Variants in CTNNBL1 observed in about 807,000 individuals in gnomAD.
CTNNBL1 encodes the protein catenin beta like 1.
Under a neutral mutation model 72.7 loss-of-function variants are expected in CTNNBL1, and 31 were observed. That is an observed-to-expected ratio of 0.43 (90% CI 0.32 to 0.58). The LOEUF is 0.58. Among genes scored for constraint, CTNNBL1 ranks in the 20% least tolerant of loss-of-function variants. CTNNBL1 has a pLI of 0.08. For synonymous variants in CTNNBL1, 240 were observed against 267.3 expected, an observed-to-expected ratio of 0.90 and a Z score of 1.00; for missense variants, 534 against 725.1, an observed-to-expected ratio of 0.74 and a Z score of 3.03.
At chr20:37,777,154 T>C (rs1202692284) in intron 7 of CTNNBL1, 191 bp from the exon 8 acceptor site, 4 of 539,388 alleles carry the variant, frequency 7.4e-6, no homozygotes, top group Non-Finnish European at 1.3e-5. Context: ...TGAGAGCCAT[T>C]GTTTCAATCT....
chr20:37,782,353 C>T (rs141091779), intron 10 of CTNNBL1, among the ~76,000 whole-genome samples: 25 of 152,202 alleles, frequency 1.6e-4, no homozygotes, highest in African/African-American at 6.0e-4. Flanking sequence ...CTCATTGATA[C>T]ATACTCCCTC....
intron 11 of CTNNBL1, among the ~76,000 whole-genome samples, chr20:37,836,824 G>A (rs1282275721): frequency 6.6e-6 from 1 of 152,074 alleles, no homozygotes; most frequent in Non-Finnish European, 1.5e-5. Context: ...CTCTGGCCTC[G>A]GTTTTTCCAT....
At chr20:37,840,831 AAC>A (rs1360565568) in intron 12 of CTNNBL1, among the ~76,000 whole-genome samples, 2 of 152,132 alleles carry the variant, frequency 1.3e-5, no homozygotes, top group Non-Finnish European at 2.9e-5. Flanking sequence ...GGAAGCTGGG[AAC>A]ACAGTTACAT....
intron 1 of CTNNBL1, among the ~76,000 whole-genome samples, chr20:37,712,434 A>T (rs1038498039): frequency 3.9e-5 from 6 of 152,170 alleles, no homozygotes; most frequent in African/African-American, 1.4e-4. Context: ...CTTTGCCCAG[A>T]TCTGCTATGG....
intron 10 of CTNNBL1, among the ~76,000 whole-genome samples, chr20:37,799,435 ACACACCTTTG>A (rs771082203): frequency 4.6e-5 from 7 of 152,168 alleles, no homozygotes; most frequent in Non-Finnish European, 1.0e-4. Flanking sequence ...TACAGGCTGC[ACACACCTTTG>A]CACATGCTGT....
intron 10 of CTNNBL1, among the ~76,000 whole-genome samples, chr20:37,780,548 T>C (rs952386762): frequency 2.0e-5 from 3 of 152,164 alleles, no homozygotes; most frequent in Non-Finnish European, 2.9e-5. Context: ...AGATGCTGTT[T>C]CCCATGCTGT....
In CTNNBL1 at chr20:37,831,568, A is replaced by G. The variant is rs139332847; in HGVS notation, c.1214-8534A>G. 1.3e-3 allele frequency among the ~76,000 whole-genome samples: 199 copies of G among 152,190 alleles called. 1 individual carries two copies. The highest frequency in any genetic ancestry group is 4.6e-3 in the African/African-American group (189 of 41,532). On this transcript the variant is annotated intron_variant, in intron 11 of 15. Transcript: ENST00000361383. ...TTTTTAGTAGTGACGGGGTTTTACC[A>G]TGTTAGCCCGGGTGGTCTCGATCTC...
intron 10 of CTNNBL1, among the ~76,000 whole-genome samples, chr20:37,798,832 C>G (rs899947948): frequency 6.6e-6 from 1 of 152,136 alleles, no homozygotes; most frequent in Admixed American, 6.5e-5. Context: ...TTATGACCGC[C>G]ATTCATTTCA....
At chr20:37,770,045 C>G (rs1034366902) in intron 7 of CTNNBL1, among the ~76,000 whole-genome samples, 2 of 152,218 alleles carry the variant, frequency 1.3e-5, no homozygotes, top group African/African-American at 4.8e-5. Context: ...CTGCTACCAT[C>G]AGTATGAGCA....
intron 11 of CTNNBL1, among the ~76,000 whole-genome samples, chr20:37,832,613 C>T (rs1360466562): frequency 5.3e-5 from 8 of 152,164 alleles, no homozygotes; most frequent in Non-Finnish European, 1.2e-4. Context: ...AATTAATTCA[C>T]TTGTTGGCAT....
chr20:37,773,230 A>G (rs574241658), intron 7 of CTNNBL1, among the ~76,000 whole-genome samples: 31 of 152,288 alleles, frequency 2.0e-4, no homozygotes, highest in Non-Finnish European at 3.7e-4. Flanking sequence ...GTAGGGCACA[A>G]TCTGCTTTGA....
At chr20:37,713,426 A>G (rs904089644) in intron 1 of CTNNBL1, among the ~76,000 whole-genome samples, 2 of 152,172 alleles carry the variant, frequency 1.3e-5, no homozygotes, top group East Asian at 3.8e-4. Flanking sequence ...TCTAGTTGTG[A>G]TTGTCAGCAG....
rs1600527371 is a variant in CTNNBL1 at position 37,849,275 on chromosome 20, A to G, written c.1392+6856A>G. ...AGAGATTTTTCTAAAATGTAAATTC[A>G]TGTATGCACTTCTCCACCCAAACAC... On this transcript the variant is annotated intron_variant, in intron 13 of 15. Transcript: ENST00000361383. 2.0e-5 allele frequency among the ~76,000 whole-genome samples: 3 copies of G among 152,192 alleles called. No homozygotes were observed. The South Asian group carries it at 6.2e-4, about 32-fold the overall frequency.
intron 1 of CTNNBL1, among the ~76,000 whole-genome samples, chr20:37,722,878 C>T (rs1034393254): frequency 6.6e-5 from 10 of 152,152 alleles, no homozygotes; most frequent in Non-Finnish European, 8.8e-5. Context: ...CCTCCAGCAC[C>T]TAATAGAGTG....
intron 10 of CTNNBL1, among the ~76,000 whole-genome samples, chr20:37,798,862 A>G (rs568638144): frequency 6.6e-6 from 1 of 152,304 alleles, no homozygotes; most frequent in East Asian, 1.9e-4. Context: ...TTCCTGAGTG[A>G]CTAAACAATA....
intron 11 of CTNNBL1, among the ~76,000 whole-genome samples, chr20:37,831,793 AAAGG>A (rs2072212457): frequency 6.6e-6 from 1 of 152,198 alleles, no homozygotes; most frequent in Non-Finnish European, 1.5e-5. Flanking sequence ...AATTTTGAGA[AAAGG>A]GAGGGCTGGT....
intron 7 of CTNNBL1, among the ~76,000 whole-genome samples, chr20:37,771,734 A>C (rs916120264): frequency 3.9e-5 from 6 of 152,076 alleles, no homozygotes; most frequent in Non-Finnish European, 8.8e-5. Context: ...TTAAATCCCT[A>C]ATCTTCTGTG....
chr20:37,770,800 C>CTGGTA (rs1394931427), intron 7 of CTNNBL1, among the ~76,000 whole-genome samples: 1 of 152,174 alleles, frequency 6.6e-6, no homozygotes, highest in East Asian at 1.9e-4. Context: ...GGGTTTTTTA[C>CTGGTA]TGGTAAGCAA....
At chr20:37,750,522 G>A (rs1297472070) in intron 4 of CTNNBL1, 1 of 152,006 alleles carries the variant, frequency 6.6e-6, no homozygotes, top group South Asian at 2.1e-4. Context: ...AAAACCAAAG[G>A]TACATTTAAA....
Sources: gnomAD v4.1 joint callset for allele counts (sites outside exome capture counted in the v4.1 genomes callset) on GRCh38, gnomAD v4.1.1 for gene constraint, MANE v1.5 for transcripts, NCBI Gene and HGNC (gene_info 2026-07-23, HGNC 2026-07-21) for gene names.